CLRN1: variants seen among roughly 807,000 people sequenced by gnomAD.
CLRN1 encodes clarin 1.
CLRN1 carries 15 observed loss-of-function variants against 18.7 expected under a neutral mutation model. The ratio of observed to expected loss-of-function variants is 0.80; its 90% confidence interval spans 0.54 to 1.23. The LOEUF (loss-of-function observed/expected upper bound fraction) is 1.23, where lower values mean the gene tolerates loss of function less well. Among genes scored for constraint, CLRN1 ranks in the 50% most tolerant of loss-of-function variants. The pLI is 0.00. For synonymous variants in CLRN1, 104 were observed against 102.9 expected (o/e 1.01, Z -0.07); for missense variants, 311 against 277.5 (o/e 1.12, Z -0.86).
chr3:150,937,088 A>T (rs539051720), intron 2 of CLRN1, among the ~76,000 whole-genome samples: 1 of 152,296 alleles, frequency 6.6e-6, no homozygotes, highest in East Asian at 1.9e-4. Context: ...TTGAAATTAG[A>T]TGAGATTTTT....
intron 1 of CLRN1, among the ~76,000 whole-genome samples, chr3:150,961,611 GT>G (rs1307750299): frequency 6.6e-6 from 1 of 152,154 alleles, no homozygotes; most frequent in Non-Finnish European, 1.5e-5. Flanking sequence ...CAGAGGTCCT[GT>G]TTTTCGTCTC....
intron 1 of CLRN1, chr3:150,945,545 G>T (rs1358886533): frequency 7.8e-7 from 1 of 1,287,050 alleles, no homozygotes; most frequent in East Asian, 5.5e-5. Flanking sequence ...TAAGCTTAGT[G>T]CTATCCAATA....
intron 2 of CLRN1, among the ~76,000 whole-genome samples, chr3:150,930,603 C>G (rs960264213): frequency 3.3e-5 from 5 of 152,126 alleles, no homozygotes; most frequent in Admixed American, 6.5e-5. Flanking sequence ...CGTATTATTT[C>G]TTTATTGTTA....
At chr3:150,951,192 A>T (rs1714464425) in intron 1 of CLRN1, among the ~76,000 whole-genome samples, 1 of 152,150 alleles carries the variant, frequency 6.6e-6, no homozygotes, top group Non-Finnish European at 1.5e-5. Context: ...TCTGTACAAC[A>T]AATCCTCATG....
chr3:150,971,141 T>C (rs569462862), intron 1 of CLRN1, among the ~76,000 whole-genome samples: 1 of 152,340 alleles, frequency 6.6e-6, no homozygotes, highest in African/African-American at 2.4e-5. Context: ...TCTCAACTTT[T>C]TTCCTTTTCG....
chr3:150,951,609 A>G (rs113026535), intron 1 of CLRN1, among the ~76,000 whole-genome samples: 9,808 of 152,200 alleles, frequency 0.064, 431 homozygotes, highest in Non-Finnish European at 0.086. Flanking sequence ...AAGTGCTGAG[A>G]TTACAGGTGT....
rs1347908197 is a variant in CLRN1 at position 150,927,270 on chromosome 3, C to T, written c.*666G>A. 2 of 420,210 alleles carry T rather than the reference C, an allele frequency of 4.8e-6. No individual in the cohort carries two copies. Among genetic ancestry groups the T allele is most frequent in the Non-Finnish European group, 9.2e-6 (2 of 216,728 alleles). 26.0% of individuals were successfully genotyped at this position (420,210 alleles called of 1,614,324 possible). The stretch of plus-strand genomic sequence containing the variant: ...TTAATAAGACTATGCTTTTTTAAAG[C>T]CTATATTTTATATTTATTTTATTTT... On this transcript the variant is annotated 3_prime_UTR_variant, in exon 3 of 3. Coordinates refer to ENST00000327047, the MANE Select transcript of CLRN1 (RefSeq NM_174878.3).
chr3:150,971,112 C>T (rs1209401876), intron 1 of CLRN1, among the ~76,000 whole-genome samples: 1 of 152,184 alleles, frequency 6.6e-6, no homozygotes, highest in African/African-American at 2.4e-5. Context: ...CTGCCGGTGA[C>T]TCACGGTTAA....
intron 2 of CLRN1, among the ~76,000 whole-genome samples, chr3:150,928,635 G>T (rs1329613609): frequency 6.6e-6 from 1 of 152,214 alleles, no homozygotes; most frequent in African/African-American, 2.4e-5. Flanking sequence ...CAGGATAAAT[G>T]TCAATCATGC....
chr3:150,934,359 C>T (rs1207443006), intron 2 of CLRN1, among the ~76,000 whole-genome samples: 1 of 152,164 alleles, frequency 6.6e-6, no homozygotes, highest in East Asian at 1.9e-4. Context: ...CTTGGCATAA[C>T]TCATAGCAGA....
chr3:150,968,803 A>G (rs1048258873), intron 1 of CLRN1, among the ~76,000 whole-genome samples: 1 of 152,194 alleles, frequency 6.6e-6, no homozygotes, highest in Non-Finnish European at 1.5e-5. Flanking sequence ...TGTACTGACC[A>G]ATACAGTAGC....
At chr3:150,963,361 T>C (rs568210465) in intron 1 of CLRN1, among the ~76,000 whole-genome samples, 12 of 152,284 alleles carry the variant, frequency 7.9e-5, no homozygotes, top group African/African-American at 2.4e-4. Flanking sequence ...TTACAAGGGA[T>C]GTGATGGACC....
In CLRN1 at chr3:150,926,714, C is replaced by T. The variant is rs912235569; in HGVS notation, c.*1222G>A. ...TTTTATTTTAAGGAGTACTTTCAAA[C>T]CTATTATATGAGGGCTGCTGAGTAC... is the stretch of plus-strand genomic sequence containing the variant. On this transcript the variant is annotated 3_prime_UTR_variant, in exon 3 of 3. Transcript: ENST00000327047. The T allele has an allele frequency of 7.9e-6, 11 of 1,398,680 alleles. No individual in the cohort carries two copies. In the African/African-American group the frequency reaches 1.6e-4, roughly 20 times the overall value. 86.6% of individuals were successfully genotyped at this position (1,398,680 alleles called of 1,614,324 possible). A position where few individuals can be genotyped will look rare whatever the true frequency, so the allele number is the denominator to read the frequency against.
Position 150,970,064 on chromosome 3 carries a change from G to T in CLRN1, c.253+2392C>A, listed in dbSNP as rs181548902. Among the ~76,000 whole-genome samples the T allele has an allele frequency of 2.3e-3, 349 of 152,316 alleles. 1 individual carries two copies. The highest frequency in any genetic ancestry group is 8.0e-3 in the African/African-American group (334 of 41,578). ...TAAGAAAGAAGACATTCTGGGAAAT[G>T]AATTGTGCACTAATTGTAAGTTGAG... On this transcript the variant is annotated intron_variant, in intron 1 of 2. Transcript: ENST00000327047.
intron 1 of CLRN1, among the ~76,000 whole-genome samples, chr3:150,962,422 C>T (rs1413096741): frequency 1.3e-5 from 2 of 151,628 alleles, no homozygotes; most frequent in African/African-American, 4.9e-5. Context: ...TATGAAAACC[C>T]TAATATATTT....
At position 150,941,710 on chromosome 3, in the gene CLRN1, A is replaced by G. The variant is rs1050316985; in HGVS notation, c.305T>C (p.Ile102Thr). 1.2e-6 allele frequency: 2 copies of G among 1,614,094 alleles called. No homozygotes were observed. Among genetic ancestry groups the G allele is most frequent in the Non-Finnish European group, 1.7e-6 (2 of 1,179,954 alleles). ...CACAATAAGGATGGCAGAGAAGAGA[A>G]TGACATTGACGTGGATGCTCACTGG... The part of the protein sequence containing the change: ...AIPVSIHVNV[I>T]LFSAILIVLT... Residue 102 changes from isoleucine to threonine, a missense_variant, in exon 2 of 3, where the codon ATT becomes ACT. Physicochemically the swap from Ile to Thr is moderately conservative, Grantham distance 89 (BLOSUM62 -1). Coordinates refer to ENST00000327047, the MANE Select transcript of CLRN1 (RefSeq NM_174878.3).
intron 1 of CLRN1, among the ~76,000 whole-genome samples, chr3:150,963,678 C>T (rs1431444399): frequency 1.3e-5 from 2 of 152,096 alleles, no homozygotes; most frequent in Non-Finnish European, 2.9e-5. Flanking sequence ...TACAAGTCTA[C>T]AGTAACCAAA....
intron 1 of CLRN1, among the ~76,000 whole-genome samples, chr3:150,948,908 A>G (rs2107964336): frequency 1.3e-5 from 2 of 152,280 alleles, no homozygotes; most frequent in Middle Eastern, 3.4e-3. Flanking sequence ...CACAACAAAA[A>G]AAGAAACTTC....
In CLRN1 at chr3:150,939,089, G is replaced by T. The variant is rs144074009; in HGVS notation, c.433+2493C>A. Reference sequence around the variant, plus strand: ...GCTGTTGTGTCTCACCTTCACTCCAGCTTTGCTTTTCTCTGCTTTATGATG... The same window carrying T: ...GCTGTTGTGTCTCACCTTCACTCCATCTTTGCTTTTCTCTGCTTTATGATG... On this transcript the variant is annotated intron_variant, in intron 2 of 2. Coordinates refer to ENST00000327047, the MANE Select transcript of CLRN1 (RefSeq NM_174878.3). Among the ~76,000 whole-genome samples the T allele has an allele frequency of 2.0e-3, 309 of 152,332 alleles. 1 individual carries two copies. The highest frequency in any genetic ancestry group is 7.0e-3 in the African/African-American group (290 of 41,568).
Sources: allele counts gnomAD v4.1 joint callset (sites outside exome capture counted in the v4.1 genomes callset), GRCh38; gene constraint gnomAD v4.1.1; transcripts MANE v1.5; gene names NCBI Gene and HGNC (gene_info 2026-07-23, HGNC 2026-07-21).